The following TNRC6A variants were observed in gnomAD, a reference collection of about 807,000 sequenced individuals.
TNRC6A encodes the protein trinucleotide repeat containing adaptor 6A.
A neutral mutation model predicts 221.2 loss-of-function variants in TNRC6A; 44 were observed. That is an observed-to-expected ratio of 0.20 (90% confidence interval 0.16 to 0.26). The LOEUF is 0.26. Among genes scored for constraint, TNRC6A ranks in the 10% least tolerant of loss-of-function variants. The probability of loss-of-function intolerance (pLI) is 1.00; values close to 1 mark genes in which losing one functional copy is unlikely to be tolerated. For synonymous variants in TNRC6A, 847 were observed against 838.5 expected (o/e 1.01, Z -0.18); for missense variants, 2,199 against 2,404.4 (o/e 0.91, Z 1.79).
chr16:24,806,695 A>T lies in TNRC6A; in HGVS notation c.4451A>T (p.Lys1484Met). 1 of 1,614,174 alleles carries T rather than the reference A, an allele frequency of 6.2e-7. No individual in the cohort carries two copies. The highest frequency in any genetic ancestry group is 8.5e-7 in the Non-Finnish European group (1 of 1,180,028). ...QQQPLHQPAM[K>M]SFLDNVMPHT... ...CAGCCACTCCATCAGCCAGCCATGA[A>T]GTCTTTCCTTGACAATGTCATGCCC... The change falls in exon 17 of 25, where the codon AAG (lysine) becomes ATG (methionine). Residue 1484 changes from lysine to methionine, a missense_variant. Lys to Met is a moderately conservative substitution (Grantham distance 95, BLOSUM62 -1). Transcript: ENST00000395799.
upstream of TNRC6A, among the ~76,000 whole-genome samples, chr16:24,729,330 T>C (rs1596557293): frequency 7.5e-6 from 1 of 133,452 alleles, no homozygotes; most frequent in African/African-American, 2.9e-5. Flanking sequence ...TTGGCGTGTG[T>C]CAGTGGGGGA....
At chr16:24,624,048 A>G (rs1253944225) in intron 1 of TNRC6A, among the ~76,000 whole-genome samples, 1 of 152,062 alleles carries the variant, frequency 6.6e-6, no homozygotes, top group Non-Finnish European at 1.5e-5. Context: ...GCTGTAGGTC[A>G]CATACGCGGC....
intron 2 of TNRC6A, among the ~76,000 whole-genome samples, chr16:24,677,027 C>G (rs1191693835): frequency 6.6e-6 from 1 of 152,098 alleles, no homozygotes; most frequent in Non-Finnish European, 1.5e-5. Flanking sequence ...CCAATTCAGG[C>G]ATCACTTCTG....
At chr16:24,743,063 A>G (rs927003101) in intron 2 of TNRC6A, among the ~76,000 whole-genome samples, 21 of 152,330 alleles carry the variant, frequency 1.4e-4, no homozygotes, top group African/African-American at 5.1e-4. Context: ...GGGTGGGTAG[A>G]TGTAGCAAAC....
Position 24,657,335 on chromosome 16 carries a change from A to C in TNRC6A, n.402+16326A>C, listed in dbSNP as rs866428341. On this transcript the variant is annotated intron_variant and non_coding_transcript_variant, in intron 2 of 2. Coordinates refer to the TNRC6A transcript ENST00000566108. ...CCTATCTCAAAAAAAAAAAAAAAAA[A>C]AAAAAAACAAACAAACAAAGAAACA... Among the ~76,000 whole-genome samples, 1,416 of 147,838 alleles carry C rather than the reference A, an allele frequency of 9.6e-3. 20 individuals carry two copies. The highest frequency in any genetic ancestry group is 0.024 in the African/African-American group (945 of 40,206).
intron 2 of TNRC6A, among the ~76,000 whole-genome samples, chr16:24,667,142 C>T (rs2055188937): frequency 6.6e-6 from 1 of 151,994 alleles, no homozygotes; most frequent in Admixed American, 6.6e-5. Flanking sequence ...ATAAAAAGAA[C>T]ACCACTCTTT....
In TNRC6A at chr16:24,776,399, A is replaced by T. The variant is rs955678327; in HGVS notation, c.164-534A>T. The T allele has an allele frequency of 4.1e-6, 4 of 985,302 alleles. No homozygotes were observed. The African/African-American group carries it at 7.0e-5, about 17-fold the overall frequency. 61.0% of individuals were successfully genotyped at this position (985,302 alleles called of 1,614,324 possible). On this transcript the variant is annotated intron_variant, in intron 4 of 24. Transcript: ENST00000395799. ...ATGATTCAGATATTACATTTTTAGCAAATACAGACATTGTTAACTTAGCCT... is the reference window on the plus strand; with the variant it reads ...ATGATTCAGATATTACATTTTTAGCTAATACAGACATTGTTAACTTAGCCT...
chr16:24,664,960 A>C (rs1252766125), intron 2 of TNRC6A: 1 of 456,334 alleles, frequency 2.2e-6, no homozygotes, highest in Admixed American at 2.4e-5. Flanking sequence ...GGCTCCACAG[A>C]ATCACGGGAT....
intron 1 of TNRC6A, among the ~76,000 whole-genome samples, chr16:24,616,731 G>A (rs529677380): frequency 6.6e-5 from 10 of 152,052 alleles, no homozygotes; most frequent in Admixed American, 5.2e-4. Flanking sequence ...TCAGGAGTTC[G>A]AGACCAGCCT....
intron 2 of TNRC6A, among the ~76,000 whole-genome samples, chr16:24,713,455 AATATAT>A (rs60244906): frequency 1.1e-5 from 1 of 92,010 alleles, no homozygotes; most frequent in South Asian, 7.0e-4. Flanking sequence ...CAAACAAAAA[AATATAT>A]ATATATATAT....
intron 2 of TNRC6A, among the ~76,000 whole-genome samples, chr16:24,704,769 C>T (rs1228166320): frequency 2.0e-5 from 3 of 151,526 alleles, no homozygotes; most frequent in African/African-American, 7.3e-5. Flanking sequence ...TAGCAAATCC[C>T]CCAGCTGTGC....
At chr16:24,817,960 G>A (rs1475007948) in intron 20 of TNRC6A, among the ~76,000 whole-genome samples, 1 of 152,206 alleles carries the variant, frequency 6.6e-6, no homozygotes, top group African/African-American at 2.4e-5. Context: ...AAGGCTTTGA[G>A]TGGAAGAATC....
Position 24,729,672 on chromosome 16 carries a change from G to C in TNRC6A, c.-170G>C. 1 of 701,202 alleles carries C rather than the reference G, an allele frequency of 1.4e-6. No homozygotes were observed. Among genetic ancestry groups the C allele is most frequent in the South Asian group, 4.8e-5 (1 of 21,040 alleles). 43.4% of individuals were successfully genotyped at this position (701,202 alleles called of 1,614,324 possible). A position where few individuals can be genotyped will look rare whatever the true frequency, so the allele number is the denominator to read the frequency against. ...ATTCACTTCCGGTCTGGGGCCTGCG[G>C]CGGCGGCGGTGTCGGCGGCGGCGGC... On this transcript the variant is annotated 5_prime_UTR_variant, in exon 1 of 25. Coordinates refer to ENST00000395799, the MANE Select transcript of TNRC6A (RefSeq NM_014494.4).
At position 24,680,729 on chromosome 16, in the gene TNRC6A, A is replaced by AT. The variant is rs1177738220; in HGVS notation, n.402+39720_402+39721insT. ...AGACTCCATCAAAAAAAAAAAAAAA[A>AT]GGAACTATTATTTATTAGGAAGCGT... On this transcript the variant is annotated intron_variant and non_coding_transcript_variant, in intron 2 of 2. Coordinates refer to the TNRC6A transcript ENST00000566108. Among the ~76,000 whole-genome samples the AT allele has an allele frequency of 4.6e-5, 7 of 150,582 alleles. 1 individual carries two copies. The Admixed American group carries it at 4.7e-4, about 10-fold the overall frequency.
chr16:24,700,298 C>T (rs917387842), intron 2 of TNRC6A, among the ~76,000 whole-genome samples: 24 of 151,712 alleles, frequency 1.6e-4, no homozygotes, highest in African/African-American at 3.9e-4. Flanking sequence ...TGCAGTGGTG[C>T]GATCTTGGCT....
intron 5 of TNRC6A, among the ~76,000 whole-genome samples, chr16:24,783,435 G>GT (rs1407299489): frequency 3.3e-5 from 5 of 151,832 alleles, no homozygotes; most frequent in East Asian, 1.9e-4. Flanking sequence ...AGCTGATGCT[G>GT]TTTTTTTATG....
intron 2 of TNRC6A, among the ~76,000 whole-genome samples, chr16:24,692,265 T>C (rs1035039451): frequency 6.6e-6 from 1 of 152,158 alleles, no homozygotes; most frequent in Admixed American, 6.6e-5. Context: ...CTCTGGAGAT[T>C]GTAATTTTAA....
intron 4 of TNRC6A, among the ~76,000 whole-genome samples, chr16:24,768,076 C>T (rs2040889910): frequency 2.0e-5 from 3 of 152,060 alleles, no homozygotes; most frequent in Admixed American, 2.0e-4. Context: ...TGAAGAGAGC[C>T]ATTCTGTACT....
intron 13 of TNRC6A, 38 bp downstream of exon 13, chr16:24,804,889 G>A: frequency 6.2e-7 from 1 of 1,613,438 alleles, no homozygotes. Flanking sequence ...TCAGTTGAAT[G>A]ATTTGTATTA....
Sources: allele counts gnomAD v4.1 joint callset (sites outside exome capture counted in the v4.1 genomes callset), GRCh38; gene constraint gnomAD v4.1.1; transcripts MANE v1.5; gene names NCBI Gene and HGNC (gene_info 2026-07-23, HGNC 2026-07-21).